LCORL: variants seen among roughly 807,000 people sequenced by gnomAD.
LCORL encodes ligand dependent nuclear receptor corepressor like.
LCORL carries 41 observed loss-of-function variants against 141.8 expected under a neutral mutation model. The ratio of observed to expected loss-of-function variants is 0.29; its 90% CI spans 0.23 to 0.38. LCORL has a LOEUF of 0.38. LCORL is among the 10% of genes least tolerant of loss of function. LCORL has a pLI of 1.00. For missense variants in LCORL, 1,759 were observed against 2,035.0 expected (o/e 0.86, Z 2.61); for synonymous variants, 618 against 694.1 (o/e 0.89, Z 1.72).
At chr4:17,988,664 A>G (rs1471557403) in intron 1 of LCORL, among the ~76,000 whole-genome samples, 1 of 152,138 alleles carries the variant, frequency 6.6e-6, no homozygotes, top group African/African-American at 2.4e-5. Flanking sequence ...TATAGTTTTT[A>G]TAATCATCAA....
At chr4:17,973,661 G>A (rs1395899353) in intron 1 of LCORL, among the ~76,000 whole-genome samples, 3 of 151,106 alleles carry the variant, frequency 2.0e-5, no homozygotes, top group Non-Finnish European at 4.4e-5. Flanking sequence ...GGATTTGGGA[G>A]GAAAAAACTA....
At chr4:17,994,977 T>C (rs1040371528) in intron 1 of LCORL, among the ~76,000 whole-genome samples, 1 of 152,050 alleles carries the variant, frequency 6.6e-6, no homozygotes, top group Non-Finnish European at 1.5e-5. Context: ...AAGCTATTCA[T>C]CCTCAAAACA....
intron 7 of LCORL, among the ~76,000 whole-genome samples, chr4:17,868,876 A>C (rs778280172): frequency 2.6e-5 from 4 of 152,040 alleles, no homozygotes; most frequent in Non-Finnish European, 5.9e-5. Flanking sequence ...CAGTTGTTCT[A>C]TCCTATATTT....
chr4:17,905,598 G>A (rs1731483871), intron 5 of LCORL, among the ~76,000 whole-genome samples: 1 of 151,672 alleles, frequency 6.6e-6, no homozygotes, highest in African/African-American at 2.4e-5. Context: ...GGAATTATTT[G>A]TTGCTTTAAG....
exon 7 of LCORL, chr4:17,873,844 G>A: frequency 8.1e-7 from 1 of 1,233,864 alleles, no homozygotes; most frequent in Non-Finnish European, 1.0e-6. Flanking sequence ...CAACTATTAG[G>A]ACATACATTT....
intron 7 of LCORL, among the ~76,000 whole-genome samples, chr4:17,872,252 G>A (rs1726433951): frequency 6.6e-6 from 1 of 151,936 alleles, no homozygotes; most frequent in African/African-American, 2.4e-5. Flanking sequence ...TTATCAATAA[G>A]AAGAGCTGGA....
chr4:17,979,136 G>C (rs1219035971), intron 1 of LCORL, among the ~76,000 whole-genome samples: 1 of 152,048 alleles, frequency 6.6e-6, no homozygotes, highest in African/African-American at 2.4e-5. Flanking sequence ...CTATGAGTGA[G>C]AACATGCGGT....
chr4:17,903,083 G>A (rs1426210836), intron 5 of LCORL, among the ~76,000 whole-genome samples: 1 of 152,022 alleles, frequency 6.6e-6, no homozygotes, highest in Non-Finnish European at 1.5e-5. Context: ...AAATGCAATG[G>A]TCAAGTCTCA....
At chr4:17,908,866 A>C (rs1225535315) in intron 5 of LCORL, among the ~76,000 whole-genome samples, 3 of 152,162 alleles carry the variant, frequency 2.0e-5, no homozygotes, top group African/African-American at 7.2e-5. Flanking sequence ...ATTAGGATAC[A>C]CTTTATTGCA....
In LCORL at chr4:18,021,693, G is replaced by C. The variant is rs754736549; in HGVS notation, c.59C>G (p.Ala20Gly). 7 of 1,533,436 alleles carry C rather than the reference G, an allele frequency of 4.6e-6. No individual in the cohort carries two copies. In the South Asian group the frequency reaches 8.5e-5, roughly 19 times the overall value. 95.0% of individuals were successfully genotyped at this position (1,533,436 alleles called of 1,614,324 possible). The stretch of plus-strand genomic sequence containing the variant: ...CCGAGGGCTCCGGCACTGAGCGGCG[G>C]CGGCGGCGGCGGCAGCAGCGGCGGC... The change falls in exon 1 of 8, where the codon GCC (alanine) becomes GGC (glycine). Residue 20 changes from alanine (A) to glycine (G), a missense_variant. This residue lies in a region of LCORL where 86 missense variants were observed against 61.8 expected (regional missense o/e 1.39). Transcript: ENST00000635767. This position sits in a 1 kb window ranked among gnomAD's most constrained non-coding sequence, Gnocchi z 5.5.
Position 17,889,308 on chromosome 4 carries a change from C to G in LCORL, c.683-3147G>C, listed in dbSNP as rs114767806. ...CTATTGAGAAATGCTTTTATCTCTT[C>G]TTCATAGCCCTTTCTCCACATCTAG... On this transcript the variant is annotated intron_variant, in intron 5 of 7. Transcript: ENST00000635767. Among the ~76,000 whole-genome samples the G allele has an allele frequency of 2.6e-3, 396 of 152,120 alleles. 3 individuals are homozygous for G. Among genetic ancestry groups the G allele is most frequent in the African/African-American group, 8.9e-3 (369 of 41,528 alleles).
chr4:17,843,195 CAATT>C lies in LCORL; in HGVS notation c.*2689_*2692del. 6 of 1,209,828 alleles carry C rather than the reference CAATT, an allele frequency of 5.0e-6. No homozygotes were observed. The East Asian group carries it at 1.2e-4, about 24-fold the overall frequency. The allele number at this position is 1,209,828 out of a possible 1,614,324, so 74.9% of individuals were successfully genotyped here. ...AGCTAAGTCAATGGAATCAGGCTAT[CAATT>C]AAACACTGATAGAATGTGAGTCAGA... On this transcript the variant is annotated 3_prime_UTR_variant, in exon 8 of 8. Coordinates refer to ENST00000635767, the Ensembl canonical transcript of LCORL.
chr4:17,924,172 A>G (rs568528988), intron 4 of LCORL, among the ~76,000 whole-genome samples: 1 of 152,202 alleles, frequency 6.6e-6, no homozygotes, highest in South Asian at 2.1e-4. Flanking sequence ...GAGTGCTCAA[A>G]AATTGTGAAA....
At chr4:17,990,719 T>A (rs1719858209) in intron 1 of LCORL, among the ~76,000 whole-genome samples, 1 of 150,880 alleles carries the variant, frequency 6.6e-6, no homozygotes, top group Non-Finnish European at 1.5e-5. Context: ...AGCCTTCTGC[T>A]GGTGGTGCAG....
chr4:17,877,073 TTCA>T, exon 7 of LCORL: 1 of 1,230,822 alleles, frequency 8.1e-7, no homozygotes, highest in Non-Finnish European at 1.0e-6. Context: ...TTGTAAAATT[TTCA>T]TCAAGACTAG....
At chr4:18,013,173 G>A (rs1355198805) in intron 1 of LCORL, among the ~76,000 whole-genome samples, 1 of 138,660 alleles carries the variant, frequency 7.2e-6, no homozygotes, top group African/African-American at 3.1e-5. Flanking sequence ...CTCTCCTCTT[G>A]GATTTGGTAA....
Position 18,021,236 on chromosome 4 carries a change from G to C in LCORL, c.154+362C>G, listed in dbSNP as rs1725514533. The stretch of plus-strand genomic sequence containing the variant: ...TCCTCCGCCAGGGCGCCGACCCACC[G>C]GGCCGCTTCCTCCGTCCTGTCAGGG... On this transcript the variant is annotated intron_variant, in intron 1 of 7. Transcript: ENST00000635767. This position sits in a 1 kb window ranked among gnomAD's most constrained non-coding sequence, Gnocchi z 5.5. 1.3e-5 allele frequency among the ~76,000 whole-genome samples: 2 copies of C among 152,066 alleles called. No homozygotes were observed.
chr4:17,990,223 C>G (rs1257265659), intron 1 of LCORL, among the ~76,000 whole-genome samples: 1 of 151,616 alleles, frequency 6.6e-6, no homozygotes, highest in Non-Finnish European at 1.5e-5. Context: ...CTCAGCCTTC[C>G]GTGTAGCTGG....
At chr4:17,989,308 A>AT (rs933915300) in intron 1 of LCORL, among the ~76,000 whole-genome samples, 3 of 152,332 alleles carry the variant, frequency 2.0e-5, no homozygotes, top group South Asian at 2.1e-4. Flanking sequence ...CTTGTCATAG[A>AT]TTTTTTGTAG....
Sources: allele counts gnomAD v4.1 joint callset (sites outside exome capture counted in the v4.1 genomes callset), GRCh38; gene constraint gnomAD v4.1.1; regional missense constraint gnomAD v4.1.1; non-coding constraint Gnocchi (gnomAD v3.1); transcripts MANE v1.5; gene names NCBI Gene and HGNC (gene_info 2026-07-23, HGNC 2026-07-21).